The following CAPN3 variants were observed in gnomAD, a reference collection of about 807,000 sequenced individuals.
The protein encoded by CAPN3 is calpain 3, also known as calpain-3.
CAPN3 carries 88 observed loss-of-function variants against 114.0 expected under a neutral mutation model. The ratio of observed to expected loss-of-function variants is 0.77; its 90% confidence interval spans 0.65 to 0.92. The LOEUF is 0.92. CAPN3 is among the 40% of genes least tolerant of loss of function. The pLI is 0.00. For synonymous variants in CAPN3, 386 were observed against 382.9 expected (o/e 1.01, Z -0.09); for missense variants, 1,028 against 1,069.0 (o/e 0.96, Z 0.53).
intron 9 of CAPN3, 83 bp from the exon 10 acceptor site, chr15:42,399,409 T>A: frequency 9.5e-7 from 1 of 1,054,370 alleles, no homozygotes; most frequent in South Asian, 1.3e-5. Flanking sequence ...TTTATTATTG[T>A]GCTGTGTTAG....
chr15:42,395,524 G>A (rs952729277), intron 8 of CAPN3, among the ~76,000 whole-genome samples: 3 of 152,302 alleles, frequency 2.0e-5, no homozygotes, highest in African/African-American at 4.8e-5. Context: ...GAGGGGAGGC[G>A]TAGAGAAAGG....
chr15:42,406,836 C>T (rs910736249), intron 15 of CAPN3, among the ~76,000 whole-genome samples: 1 of 152,146 alleles, frequency 6.6e-6, no homozygotes, highest in Non-Finnish European at 1.5e-5. Context: ...GCTCTGGGAT[C>T]CCCACAAGCT....
intron 14 of CAPN3, chr15:42,404,204 A>G (rs1240485898): frequency 2.2e-6 from 1 of 457,514 alleles, no homozygotes; most frequent in East Asian, 6.9e-5. Flanking sequence ...GACCTGGACA[A>G]TTTCTGTAAT....
Position 42,360,059 on chromosome 15 carries a change from C to A in CAPN3, c.254C>A (p.Thr85Asn). Residue 85 changes from threonine to asparagine, a missense_variant, in exon 1 of 24, where the codon ACC becomes AAC. Transcript: ENST00000397163. ...GACCCTGAGTTCCCACCGGATGAGA[C>A]CTCTCTCTTTTATAGCCAGAAGTTC... The part of the protein sequence containing the change: ...YVDPEFPPDE[T>N]SLFYSQKFPI... 1 of 1,614,178 alleles carries A rather than the reference C, an allele frequency of 6.2e-7. No homozygotes were observed. Among genetic ancestry groups the A allele is most frequent in the Non-Finnish European group, 8.5e-7 (1 of 1,179,988 alleles).
In CAPN3 at chr15:42,402,396, T is replaced by A. The variant is rs183791350; in HGVS notation, c.1536+261T>A. The stretch of plus-strand genomic sequence containing the variant: ...ACATGCCTTTGCACACTCACCCTCC[T>A]CCACGCTTACAGCCACACACACAGT... On this transcript the variant is annotated intron_variant, in intron 12 of 23. Transcript: ENST00000397163. The A allele has an allele frequency of 6.2e-6, 9 of 1,444,646 alleles. No homozygotes were observed. The African/African-American group carries it at 1.1e-4, about 18-fold the overall frequency. 89.5% of individuals were successfully genotyped at this position (1,444,646 alleles called of 1,614,324 possible).
chr15:42,402,479 A>G, intron 12 of CAPN3: 1 of 1,427,754 alleles, frequency 7.0e-7, no homozygotes, highest in East Asian at 2.6e-5. Context: ...CACTTCCCTC[A>G]GAACCCAGCC....
At chr15:42,367,783 G>A (rs568921081) in intron 1 of CAPN3, among the ~76,000 whole-genome samples, 5 of 152,284 alleles carry the variant, frequency 3.3e-5, no homozygotes, top group African/African-American at 1.2e-4. Flanking sequence ...CAGTGAAATA[G>A]AGTCAGCTGA....
rs114047693 is a variant in CAPN3 at position 42,364,829 on chromosome 15, G to A, written c.309+4715G>A. Among the ~76,000 whole-genome samples, 1,481 of 152,338 alleles carry A rather than the reference G, an allele frequency of 9.7e-3. 30 individuals are homozygous for A. The highest frequency in any genetic ancestry group is 0.035 in the African/African-American group (1,435 of 41,574). On this transcript the variant is annotated intron_variant, in intron 1 of 23. Transcript: ENST00000397163. Reference sequence around the variant, plus strand: ...TCTGCATGTGCCTCAGTCATGCCAGGTGGAGAGTTCTTAAGCTTCTTCTCT... The same window carrying A: ...TCTGCATGTGCCTCAGTCATGCCAGATGGAGAGTTCTTAAGCTTCTTCTCT...
Position 42,409,994 on chromosome 15 carries a change from A to C in CAPN3, c.2114A>C (p.Asp705Ala), listed in dbSNP as rs963938472. 1 of 1,611,554 alleles carries C rather than the reference A, an allele frequency of 6.2e-7. No homozygotes were observed. The highest frequency in any genetic ancestry group is 8.5e-7 in the Non-Finnish European group (1 of 1,179,674). ...ESCRSMIALM[D>A]TDGSGKLNLQ... ...TGCCGTAGCATGATTGCGCTCATGG[A>C]TGTATCCTTCCTGCCGCCCCTTCCC... The change falls in exon 19 of 24, where the codon GAT becomes GCT. Residue 705 changes from aspartate (D) to alanine (A), a missense_variant and splice_region_variant. Transcript: ENST00000397163.
At chr15:42,368,173 G>A (rs2052837499) in intron 1 of CAPN3, among the ~76,000 whole-genome samples, 1 of 152,152 alleles carries the variant, frequency 6.6e-6, no homozygotes, top group Non-Finnish European at 1.5e-5. Context: ...TCATTTGTGG[G>A]CATACACAGA....
Position 42,411,906 on chromosome 15 carries a change from GC to G in CAPN3, c.*134del. On this transcript the variant is annotated 3_prime_UTR_variant, in exon 24 of 24. Transcript: ENST00000397163. Reference sequence around the variant, plus strand: ...GGCTTCCAGGCACCTCATCAGTCATGCTCCTCCTCCATTTTACCCCCTACCC... The same window carrying G: ...GGCTTCCAGGCACCTCATCAGTCATGTCCTCCTCCATTTTACCCCCTACCC... The G allele has an allele frequency of 7.6e-6, 12 of 1,574,578 alleles. No homozygotes were observed. Among genetic ancestry groups the G allele is most frequent in the Non-Finnish European group, 1.0e-5 (12 of 1,159,380 alleles).
intron 10 of CAPN3, among the ~76,000 whole-genome samples, chr15:42,400,427 T>C (rs2053831164): frequency 2.0e-5 from 3 of 152,108 alleles, no homozygotes; most frequent in Admixed American, 1.3e-4. Flanking sequence ...CCTGACAACA[T>C]TGCAACATAA....
In CAPN3 at chr15:42,402,793, G is replaced by C; in HGVS notation, c.1537-1G>C. On this transcript the variant is annotated splice_acceptor_variant, in intron 12 of 23. Coordinates refer to ENST00000397163, the MANE Select transcript of CAPN3 (RefSeq NM_000070.3). LOFTEE classifies it high-confidence loss of function. ...TGCCCTGGGCTCTCCCCATCTCTCAGATGCACGGGAACAAGCAGCACCTGC... is the reference window on the plus strand; with the variant it reads ...TGCCCTGGGCTCTCCCCATCTCTCACATGCACGGGAACAAGCAGCACCTGC... 1 of 1,614,160 alleles carries C rather than the reference G, an allele frequency of 6.2e-7. No homozygotes were observed.
intron 9 of CAPN3, among the ~76,000 whole-genome samples, chr15:42,398,695 G>A (rs1445350417): frequency 1.1e-5 from 1 of 91,380 alleles, no homozygotes; most frequent in African/African-American, 6.7e-5. Flanking sequence ...GTATATATAT[G>A]TGTGTGTGTA....
At position 42,410,957 on chromosome 15, in the gene CAPN3, T is replaced by C. The variant is rs2054205133; in HGVS notation, c.2337T>C (p.Phe779=). ...CAGACAAACACATGAACATCGACTTTGACAGTTTCATCTGCTGCTTCGTTA... is the reference window on the plus strand; with the variant it reads ...CAGACAAACACATGAACATCGACTTCGACAGTTTCATCTGCTGCTTCGTTA... ...RYADKHMNID[F]DSFICCFVRL... Residue 779 remains phenylalanine, a synonymous_variant, in exon 22 of 24, where the codon TTT becomes TTC. Coordinates refer to ENST00000397163, the MANE Select transcript of CAPN3 (RefSeq NM_000070.3). 3.1e-6 allele frequency: 5 copies of C among 1,614,206 alleles called. No homozygotes were observed. The highest frequency in any genetic ancestry group is 1.1e-5 in the South Asian group (1 of 91,084).
chr15:42,402,527 A>T, intron 12 of CAPN3: 1 of 1,441,056 alleles, frequency 6.9e-7, no homozygotes. Flanking sequence ...TTCCAGCCTG[A>T]GGGGCTTCGG....
chr15:42,410,828 A>C, intron 21 of CAPN3, 56 bp from the exon 22 acceptor site: 1 of 1,462,338 alleles, frequency 6.8e-7, no homozygotes, highest in Non-Finnish European at 9.6e-7. Flanking sequence ...GGAAAATAGA[A>C]GGCAGGCCCA....
At chr15:42,367,903 C>A (rs1042383427) in intron 1 of CAPN3, among the ~76,000 whole-genome samples, 1 of 152,082 alleles carries the variant, frequency 6.6e-6, no homozygotes, top group Non-Finnish European at 1.5e-5. Context: ...TTTAAGTGAT[C>A]CTCCTGCCTC....
intron 5 of CAPN3, 52 bp from the exon 6 acceptor site, chr15:42,389,901 T>G: frequency 6.2e-7 from 1 of 1,602,894 alleles, no homozygotes; most frequent in Non-Finnish European, 8.5e-7. Context: ...CCCTTCTGTG[T>G]TTGTTCTCTC....
Sources: allele counts gnomAD v4.1 joint callset (sites outside exome capture counted in the v4.1 genomes callset), GRCh38; gene constraint gnomAD v4.1.1; transcripts MANE v1.5; gene names NCBI Gene and HGNC (gene_info 2026-07-23, HGNC 2026-07-21).